HOMER1: variants seen among roughly 807,000 people sequenced by gnomAD.
HOMER1 encodes the protein homer protein homolog 1.
Under a neutral mutation model 48.9 loss-of-function variants are expected in HOMER1, and 3 were observed. That is an observed-to-expected ratio of 0.06 (90% CI 0.03 to 0.16). HOMER1 has a LOEUF of 0.16. Among genes scored for constraint, HOMER1 ranks in the 10% least tolerant of loss-of-function variants. The pLI, the probability that HOMER1 is intolerant of heterozygous loss-of-function variation, is 1.00. For synonymous variants in HOMER1, 134 were observed against 146.4 expected, an observed-to-expected ratio of 0.92 and a Z score of 0.61; for missense variants, 247 against 411.4, an observed-to-expected ratio of 0.60 and a Z score of 3.46.
At chr5:79,406,900 C>T (rs1268998215) in intron 5 of HOMER1, among the ~76,000 whole-genome samples, 1 of 147,818 alleles carries the variant, frequency 6.8e-6, no homozygotes, top group Non-Finnish European at 1.5e-5. Flanking sequence ...GATCCTGGGA[C>T]AAAGGGTCTA....
rs543612894 is a variant in HOMER1 at position 79,411,265 on chromosome 5, G to A, written c.528-9210C>T. ...TTTGGGAGGTAGAGGAGGGCAGATC[G>A]CTTGAGCTCAGGAGTTCGAGGCCAG... On this transcript the variant is annotated intron_variant, in intron 5 of 8. Coordinates refer to ENST00000334082, the MANE Select transcript of HOMER1 (RefSeq NM_004272.5). Among the ~76,000 whole-genome samples, 18 of 152,196 alleles carry A rather than the reference G, an allele frequency of 1.2e-4. No homozygotes were observed. The South Asian group carries it at 3.3e-3, about 28-fold the overall frequency.
At chr5:79,507,022 G>A (rs1452122736) in intron 1 of HOMER1, among the ~76,000 whole-genome samples, 1 of 151,736 alleles carries the variant, frequency 6.6e-6, no homozygotes, top group Non-Finnish European at 1.5e-5. Context: ...AACCAGCCTG[G>A]CCAATACGGT....
chr5:79,480,366 T>A (rs57766094), intron 1 of HOMER1, among the ~76,000 whole-genome samples: 11,287 of 152,152 alleles, frequency 0.074, 907 homozygotes, highest in East Asian at 0.24. Flanking sequence ...AATAATAACA[T>A]GACTTGTTGG....
intron 1 of HOMER1, among the ~76,000 whole-genome samples, chr5:79,500,193 T>C (rs967220102): frequency 2.0e-5 from 3 of 152,182 alleles, no homozygotes; most frequent in African/African-American, 7.2e-5. Context: ...TACCTTTTTA[T>C]CTCATATTGA....
intron 2 of HOMER1, among the ~76,000 whole-genome samples, chr5:79,456,145 CAAAAAAAAA>C (rs66567622): frequency 8.9e-6 from 1 of 112,534 alleles, no homozygotes; most frequent in Non-Finnish European, 1.9e-5. Context: ...GACTCCGTCT[CAAAAAAAAA>C]AAAAAAAAAG....
intron 8 of HOMER1, among the ~76,000 whole-genome samples, chr5:79,387,519 T>G (rs1355537928): frequency 6.6e-6 from 1 of 152,168 alleles, no homozygotes; most frequent in Non-Finnish European, 1.5e-5. Flanking sequence ...ATGAATAAGA[T>G]GTATTATTGC....
intron 5 of HOMER1, 91 bp from the exon 6 acceptor site, chr5:79,402,146 T>C (rs1670886138): frequency 4.6e-6 from 5 of 1,076,836 alleles, no homozygotes; most frequent in Non-Finnish European, 2.6e-6. Context: ...GTAGGGTTTA[T>C]AGTCTAAGAA....
chr5:79,388,725 C>T (rs1409842542), intron 8 of HOMER1, among the ~76,000 whole-genome samples: 1 of 151,578 alleles, frequency 6.6e-6, no homozygotes, highest in Non-Finnish European at 1.5e-5. Flanking sequence ...TATAAGGACC[C>T]AAGGAAAAAT....
intron 1 of HOMER1, among the ~76,000 whole-genome samples, chr5:79,491,422 G>A (rs577311655): frequency 2.5e-5 from 3 of 122,332 alleles, no homozygotes; most frequent in Admixed American, 1.9e-4. Context: ...CTGGATGACA[G>A]AGCGAGACCT....
At chr5:79,409,688 T>C (rs1042585393) in intron 5 of HOMER1, among the ~76,000 whole-genome samples, 3 of 152,018 alleles carry the variant, frequency 2.0e-5, no homozygotes, top group Non-Finnish European at 4.4e-5. Context: ...AACTCAACAA[T>C]AACAATTTAA....
intron 1 of HOMER1, among the ~76,000 whole-genome samples, chr5:79,462,165 C>T (rs1222252387): frequency 6.6e-6 from 1 of 152,114 alleles, no homozygotes; most frequent in African/African-American, 2.4e-5. Flanking sequence ...CGCCACTGCA[C>T]CCCCAGCCTG....
chr5:79,404,863 T>A (rs1404845544), intron 5 of HOMER1, among the ~76,000 whole-genome samples: 2 of 116,882 alleles, frequency 1.7e-5, no homozygotes, highest in African/African-American at 7.6e-5. Flanking sequence ...CACGCCCAGC[T>A]ATTTTTTTTT....
chr5:79,395,854 A>C (rs906414973), intron 8 of HOMER1, among the ~76,000 whole-genome samples: 1 of 152,210 alleles, frequency 6.6e-6, no homozygotes, highest in South Asian at 2.1e-4. Context: ...TAATACAGGT[A>C]AAGTGCTAAG....
At chr5:79,424,288 G>A (rs908960348) in intron 5 of HOMER1, among the ~76,000 whole-genome samples, 1 of 151,874 alleles carries the variant, frequency 6.6e-6, no homozygotes, top group African/African-American at 2.4e-5. Flanking sequence ...TTAGATTCCA[G>A]AAGAGGTATG....
At chr5:79,462,366 G>A (rs1751339487) in intron 1 of HOMER1, among the ~76,000 whole-genome samples, 1 of 152,124 alleles carries the variant, frequency 6.6e-6, no homozygotes, top group African/African-American at 2.4e-5. Context: ...ATTCATAAAC[G>A]AATTCTAGGA....
intron 1 of HOMER1, among the ~76,000 whole-genome samples, chr5:79,463,828 A>T (rs1561373633): frequency 6.6e-6 from 1 of 152,220 alleles, no homozygotes. Context: ...AAGAGGAAGA[A>T]ATGGAAAGGT....
rs1166379727 is a variant in HOMER1, at chr5:79,374,706, C to T, written c.*1303G>A. 6.6e-6 allele frequency: 1 copy of T among 151,978 alleles called. No individual in the cohort carries two copies. Among genetic ancestry groups the T allele is most frequent in the Admixed American group, 6.6e-5 (1 of 15,256 alleles). The allele number at this position is 151,978 out of a possible 1,614,324, so 9.4% of individuals were successfully genotyped here. A position where few individuals can be genotyped will look rare whatever the true frequency, so the allele number is the denominator to read the frequency against. On this transcript the variant is annotated 3_prime_UTR_variant, in exon 9 of 9. Coordinates refer to ENST00000334082, the MANE Select transcript of HOMER1 (RefSeq NM_004272.5). The stretch of plus-strand genomic sequence containing the variant: ...TATAAGCAGACTAGACAGCACTTGG[C>T]TTACTTTTAAAATAGCTTCGTAAAA...
intron 8 of HOMER1, among the ~76,000 whole-genome samples, chr5:79,389,754 A>C (rs1749200841): frequency 6.6e-6 from 1 of 152,190 alleles, no homozygotes; most frequent in Non-Finnish European, 1.5e-5. Context: ...TAAATTACCC[A>C]GATTGTAGTT....
At chr5:79,417,218 C>A (rs1198841644) in intron 5 of HOMER1, among the ~76,000 whole-genome samples, 1 of 151,756 alleles carries the variant, frequency 6.6e-6, no homozygotes, top group Non-Finnish European at 1.5e-5. Flanking sequence ...TCTCGGCTCA[C>A]TGAAAGCTCC....
Sources: gnomAD v4.1 joint callset for allele counts (sites outside exome capture counted in the v4.1 genomes callset) on GRCh38, gnomAD v4.1.1 for gene constraint, MANE v1.5 for transcripts, NCBI Gene and HGNC (gene_info 2026-07-23, HGNC 2026-07-21) for gene names.